MAP3K9: variants seen among roughly 807,000 people sequenced by gnomAD.
MAP3K9 encodes the protein mixed lineage kinase 1 (tyr and ser/thr specificity).
MAP3K9 carries 46 observed loss-of-function variants against 95.8 expected under a neutral mutation model. The observed-to-expected ratio is 0.48, with a 90% CI of 0.38 to 0.61. The LOEUF is 0.61. Among genes scored for constraint, MAP3K9 ranks in the 20% least tolerant of loss-of-function variants. The probability of loss-of-function intolerance (pLI) is 0.00; values close to 1 mark genes in which losing one functional copy is unlikely to be tolerated. For synonymous variants in MAP3K9, 533 were observed against 593.8 expected, an observed-to-expected ratio of 0.90 and a Z score of 1.49; for missense variants, 1,296 against 1,474.3, an observed-to-expected ratio of 0.88 and a Z score of 1.98.
In MAP3K9 at chr14:70,727,794, C is replaced by A. The variant is rs772148099; in HGVS notation, c.*2586G>T. On this transcript the variant is annotated 3_prime_UTR_variant, in exon 12 of 12. Coordinates refer to ENST00000554752, the MANE Select transcript of MAP3K9 (RefSeq NM_001284230.2). ...GGTACAATTATTTCCTTAGCAAAGA[C>A]CCAGGCTTGCTTTATCTTTCCCCAC... 6.6e-6 allele frequency: 1 copy of A among 152,214 alleles called. No individual in the cohort carries two copies. Among genetic ancestry groups the A allele is most frequent in the African/African-American group, 2.4e-5 (1 of 41,450 alleles). 9.4% of individuals were successfully genotyped at this position (152,214 alleles called of 1,614,324 possible).
At position 70,727,662 on chromosome 14, in the gene MAP3K9, G is replaced by C. The variant is rs1314284936; in HGVS notation, c.*2718C>G. On this transcript the variant is annotated 3_prime_UTR_variant, in exon 12 of 12. Coordinates refer to ENST00000554752, the MANE Select transcript of MAP3K9 (RefSeq NM_001284230.2). The stretch of plus-strand genomic sequence containing the variant: ...CCCCACTGAGAGAGTGCAGCAGTCA[G>C]GGGCCCATCAGAGACCAGGTGTGTA... 1 of 152,412 alleles carries C rather than the reference G, an allele frequency of 6.6e-6. No homozygotes were observed. The allele number at this position is 152,412 out of a possible 1,614,324, so 9.4% of individuals were successfully genotyped here.
intron 2 of MAP3K9, among the ~76,000 whole-genome samples, chr14:70,770,063 GAA>G (rs2054509985): frequency 6.6e-6 from 1 of 152,222 alleles, no homozygotes; most frequent in Non-Finnish European, 1.5e-5. Context: ...CCCTTCCTGG[GAA>G]AGTTGATAGG....
At position 70,761,088 on chromosome 14, in the gene MAP3K9, G is replaced by A. The variant is rs527399833; in HGVS notation, c.915C>T (p.Thr305=). Residue 305 remains threonine, a synonymous_variant, in exon 3 of 12, where the codon ACC becomes ACT. Transcript: ENST00000554752. ...FGLAREWHRT[T]KMSAAGTYAW... The stretch of plus-strand genomic sequence containing the variant: ...CATACGTCCCTGCCGCACTCATCTT[G>A]GTGGTTCGGTGCCATTCCCGAGCCA... The A allele has an allele frequency of 9.3e-6, 15 of 1,614,128 alleles. No individual in the cohort carries two copies. The highest frequency in any genetic ancestry group is 1.3e-5 in the Non-Finnish European group (15 of 1,180,006).
chr14:70,765,388 A>G (rs2054436136), intron 2 of MAP3K9: 1 of 616,238 alleles, frequency 1.6e-6, no homozygotes, highest in Non-Finnish European at 2.9e-6. Context: ...TATAAGGTCT[A>G]TGGTGGTATA....
chr14:70,790,698 T>C (rs975445796), intron 2 of MAP3K9, among the ~76,000 whole-genome samples: 11 of 152,210 alleles, frequency 7.2e-5, no homozygotes, highest in Admixed American at 7.2e-4. Context: ...TATGTTAATC[T>C]TTACATTATA....
chr14:70,804,013 T>C (rs921559468), intron 1 of MAP3K9, among the ~76,000 whole-genome samples: 1 of 152,230 alleles, frequency 6.6e-6, no homozygotes, highest in South Asian at 2.1e-4. Flanking sequence ...CATGTTGGTG[T>C]CCAATCACTA....
At chr14:70,783,457 G>A (rs1374655411) in intron 2 of MAP3K9, 2 of 928,810 alleles carry the variant, frequency 2.2e-6, no homozygotes, top group Non-Finnish European at 2.5e-6. Flanking sequence ...GCTCCTGAAG[G>A]ATTCACTCTT....
chr14:70,756,208 C>T (rs1047418202), intron 3 of MAP3K9, among the ~76,000 whole-genome samples: 4 of 152,188 alleles, frequency 2.6e-5, no homozygotes, highest in Non-Finnish European at 5.9e-5. Context: ...GGCATTTGTG[C>T]TTTCCCTTCC....
intron 2 of MAP3K9, among the ~76,000 whole-genome samples, chr14:70,795,851 C>T (rs910960374): frequency 1.3e-5 from 2 of 151,770 alleles, no homozygotes; most frequent in African/African-American, 2.4e-5. Context: ...CTCTGCCTCC[C>T]GGGTTCAAAT....
At chr14:70,804,332 C>T (rs1417366724) in intron 1 of MAP3K9, among the ~76,000 whole-genome samples, 1 of 152,170 alleles carries the variant, frequency 6.6e-6, no homozygotes, top group Non-Finnish European at 1.5e-5. Flanking sequence ...AGAATGAATC[C>T]AGACTTATTA....
intron 2 of MAP3K9, among the ~76,000 whole-genome samples, chr14:70,786,488 T>C (rs527940470): frequency 6.6e-6 from 1 of 152,236 alleles, no homozygotes; most frequent in African/African-American, 2.4e-5. Flanking sequence ...TCCTTCTACA[T>C]AACATACCAA....
chr14:70,806,196 T>C (rs1343568503), intron 1 of MAP3K9, among the ~76,000 whole-genome samples: 3 of 152,208 alleles, frequency 2.0e-5, no homozygotes, highest in Non-Finnish European at 4.4e-5. Context: ...CACAAACTGA[T>C]CTGGTAGAGC....
chr14:70,791,803 T>C (rs1344584499), intron 2 of MAP3K9, among the ~76,000 whole-genome samples: 1 of 152,238 alleles, frequency 6.6e-6, no homozygotes, highest in African/African-American at 2.4e-5. Context: ...TTTATTTTGA[T>C]CAAGGTCTTT....
chr14:70,764,226 C>T (rs1383847421), intron 2 of MAP3K9, among the ~76,000 whole-genome samples: 3 of 141,962 alleles, frequency 2.1e-5, no homozygotes, highest in Admixed American at 7.1e-5. Flanking sequence ...TGTAAAACGG[C>T]ATCAGGCAGG....
At chr14:70,761,637 G>A (rs2054376802) in intron 2 of MAP3K9, among the ~76,000 whole-genome samples, 1 of 152,120 alleles carries the variant, frequency 6.6e-6, no homozygotes, top group Non-Finnish European at 1.5e-5. Context: ...GGTAGTGCAC[G>A]CCAGTGACTC....
chr14:70,809,391 A>G lies in MAP3K9; in HGVS notation c.-220T>C, dbSNP rs1401201701. On this transcript the variant is annotated 5_prime_UTR_variant, in exon 1 of 12. Coordinates refer to ENST00000554752, the MANE Select transcript of MAP3K9 (RefSeq NM_001284230.2). ...AGCTCTTCGCGCAGCCTAGGGGCGCAGCGGGCCGAGTCCCCGCCTGCCCGC... is the reference window on the plus strand; with the variant it reads ...AGCTCTTCGCGCAGCCTAGGGGCGCGGCGGGCCGAGTCCCCGCCTGCCCGC... 1 of 468,606 alleles carries G rather than the reference A, an allele frequency of 2.1e-6. No homozygotes were observed. Among genetic ancestry groups the G allele is most frequent in the African/African-American group, 2.0e-5 (1 of 48,996 alleles). The allele number at this position is 468,606 out of a possible 1,614,324, so 29.0% of individuals were successfully genotyped here.
At chr14:70,790,187 G>A (rs1471527780) in intron 2 of MAP3K9, among the ~76,000 whole-genome samples, 2 of 152,178 alleles carry the variant, frequency 1.3e-5, no homozygotes, top group African/African-American at 4.8e-5. Flanking sequence ...TGGGGGAAGG[G>A]GACCACTTGT....
At chr14:70,773,620 C>G (rs148375170) in intron 2 of MAP3K9, among the ~76,000 whole-genome samples, 43 of 152,294 alleles carry the variant, frequency 2.8e-4, no homozygotes, top group African/African-American at 1.0e-3. Context: ...TTTCTGTAAC[C>G]TGTCTTAAAA....
intron 1 of MAP3K9, among the ~76,000 whole-genome samples, chr14:70,807,855 T>C (rs2055007065): frequency 6.6e-6 from 1 of 151,950 alleles, no homozygotes; most frequent in South Asian, 2.1e-4. Flanking sequence ...TTATAGGGTA[T>C]GAAATATGGG....
Sources: gnomAD v4.1 joint callset for allele counts (sites outside exome capture counted in the v4.1 genomes callset) on GRCh38, gnomAD v4.1.1 for gene constraint, MANE v1.5 for transcripts, NCBI Gene and HGNC (gene_info 2026-07-23, HGNC 2026-07-21) for gene names.